Variants in XRCC4 observed in about 807,000 individuals in gnomAD.
The protein encoded by XRCC4 is DNA repair protein XRCC4.
A neutral mutation model predicts 39.1 loss-of-function variants in XRCC4; 28 were observed. The ratio of observed to expected loss-of-function variants is 0.72; its 90% CI spans 0.53 to 0.98. The LOEUF is 0.98. XRCC4 is among the 50% of genes least tolerant of loss of function. The pLI is 0.00. For missense variants in XRCC4, 350 were observed against 376.4 expected (o/e 0.93, Z 0.58); for synonymous variants, 123 against 126.4 (o/e 0.97, Z 0.18).
chr5:83,258,604 C>G lies in XRCC4; in HGVS notation c.820C>G (p.Gln274Glu). The change falls in exon 7 of 8, where the codon CAG becomes GAG. Residue 274 changes from glutamine (Q) to glutamate (E), a missense_variant. Coordinates refer to ENST00000396027, the MANE Select transcript of XRCC4 (RefSeq NM_003401.5). Reference sequence around the variant, plus strand: ...TATTGCACCAAGTAGAAAAAGGAGACAGCGAATGCAAAGAAATCTTGGGAC... The same window carrying G: ...TATTGCACCAAGTAGAAAAAGGAGAGAGCGAATGCAAAGAAATCTTGGGAC... ...TDIAPSRKRR[Q>E]RMQRNLGTEP... is the part of the protein sequence containing the mutation. 1.2e-6 allele frequency: 2 copies of G among 1,611,244 alleles called. No individual in the cohort carries two copies. Among genetic ancestry groups the G allele is most frequent in the Non-Finnish European group, 1.7e-6 (2 of 1,179,074 alleles).
At chr5:83,254,211 A>G (rs1408143294) in intron 6 of XRCC4, among the ~76,000 whole-genome samples, 1 of 151,994 alleles carries the variant, frequency 6.6e-6, no homozygotes, top group East Asian at 1.9e-4. Context: ...AATCTTAAGA[A>G]AAAAACCTCC....
intron 3 of XRCC4, among the ~76,000 whole-genome samples, chr5:83,191,008 T>C (rs1449122234): frequency 6.6e-6 from 1 of 152,148 alleles, no homozygotes; most frequent in East Asian, 1.9e-4. Context: ...ATGAGGATTA[T>C]TACAATAAAT....
At chr5:83,211,651 A>G (rs987934141) in intron 6 of XRCC4, among the ~76,000 whole-genome samples, 1 of 152,324 alleles carries the variant, frequency 6.6e-6, no homozygotes, top group East Asian at 1.9e-4. Flanking sequence ...AAAGAAACCT[A>G]TTAGCTTGAG....
chr5:83,309,079 AC>A (rs963266312), intron 7 of XRCC4, among the ~76,000 whole-genome samples: 2 of 150,690 alleles, frequency 1.3e-5, no homozygotes, highest in Non-Finnish European at 3.0e-5. Flanking sequence ...GGAGATCGAG[AC>A]CATCCCAGCT....
intron 6 of XRCC4, among the ~76,000 whole-genome samples, chr5:83,248,057 C>A (rs538843856): frequency 2.0e-5 from 3 of 152,104 alleles, no homozygotes; most frequent in African/African-American, 7.2e-5. Flanking sequence ...TTCATTGAGA[C>A]AAGGGTTGGT....
intron 7 of XRCC4, among the ~76,000 whole-genome samples, chr5:83,284,052 C>CAAAAAAAA (rs766161565): frequency 7.5e-4 from 12 of 16,104 alleles, no homozygotes; most frequent in East Asian, 3.7e-3. Context: ...CAACCCAGAG[C>CAAAAAAAA]AAAAAAAAAA....
intron 7 of XRCC4, among the ~76,000 whole-genome samples, chr5:83,325,653 C>T (rs111713729): frequency 2.8e-4 from 42 of 152,052 alleles, no homozygotes; most frequent in Non-Finnish European, 3.8e-4. Flanking sequence ...TTCTTTTTTG[C>T]GACTGCATAG....
intron 7 of XRCC4, among the ~76,000 whole-genome samples, chr5:83,275,499 T>G (rs1325155732): frequency 6.6e-6 from 1 of 151,688 alleles, no homozygotes; most frequent in East Asian, 1.9e-4. Flanking sequence ...GTTTCACCGT[T>G]TTAGCCGGGA....
intron 1 of XRCC4, among the ~76,000 whole-genome samples, chr5:83,103,665 A>G (rs1420308152): frequency 1.3e-5 from 2 of 152,200 alleles, no homozygotes; most frequent in East Asian, 3.8e-4. Flanking sequence ...GCCTACCACT[A>G]GTGGAATGGA....
chr5:83,101,657 A>G (rs577207955), intron 1 of XRCC4, among the ~76,000 whole-genome samples: 1 of 152,234 alleles, frequency 6.6e-6, no homozygotes, highest in East Asian at 1.9e-4. Flanking sequence ...ATTGATGTCT[A>G]CTTGAGGGTG....
At chr5:83,306,582 A>C (rs536659269) in intron 7 of XRCC4, among the ~76,000 whole-genome samples, 1 of 152,220 alleles carries the variant, frequency 6.6e-6, no homozygotes, top group African/African-American at 2.4e-5. Flanking sequence ...GCAAATGGAA[A>C]CCACAGAAAT....
chr5:83,337,215 C>G (rs1353840732), intron 7 of XRCC4, among the ~76,000 whole-genome samples: 1 of 152,094 alleles, frequency 6.6e-6, no homozygotes, highest in Non-Finnish European at 1.5e-5. Flanking sequence ...TTATAAGGAA[C>G]TATTCTTAAT....
intron 3 of XRCC4, among the ~76,000 whole-genome samples, chr5:83,123,511 T>A (rs1205277792): frequency 6.6e-6 from 1 of 151,124 alleles, no homozygotes; most frequent in Non-Finnish European, 1.5e-5. Context: ...ATTGGGATGT[T>A]TAGGCCATTT....
rs1749976208 is a variant in XRCC4 at position 83,176,707 on chromosome 5, C to G, written c.316-19063C>G. Among the ~76,000 whole-genome samples the G allele has an allele frequency of 1.3e-5, 2 of 151,886 alleles. 1 individual carries two copies. The highest frequency in any genetic ancestry group is 3.9e-4 in the East Asian group (2 of 5,176). ...GCACGATCTTGGCTCACTGCAGCCT[C>G]CACTTTCAGCCTCAAGTGATACTCC... On this transcript the variant is annotated intron_variant, in intron 3 of 7. Coordinates refer to ENST00000396027, the MANE Select transcript of XRCC4 (RefSeq NM_003401.5).
At chr5:83,082,400 G>C (rs1340134458) in intron 1 of XRCC4, among the ~76,000 whole-genome samples, 1 of 152,094 alleles carries the variant, frequency 6.6e-6, no homozygotes, top group Non-Finnish European at 1.5e-5. Context: ...TTGGTTTCCT[G>C]GTTTTGATAA....
intron 3 of XRCC4, among the ~76,000 whole-genome samples, chr5:83,141,843 C>CA (rs11284035): frequency 2.3e-3 from 311 of 137,674 alleles, no homozygotes; most frequent in African/African-American, 4.3e-3. Flanking sequence ...GAATCTTGTA[C>CA]AAAAAAAAAA....
At chr5:83,258,488 C>T (rs1753631779) in intron 6 of XRCC4, 42 bp from the exon 7 acceptor site, 2 of 1,590,762 alleles carry the variant, frequency 1.3e-6, no homozygotes, top group East Asian at 4.5e-5. Flanking sequence ...AAATGATGTG[C>T]ATAATTTTGT....
At chr5:83,246,871 G>A (rs183600230) in intron 6 of XRCC4, among the ~76,000 whole-genome samples, 5 of 152,258 alleles carry the variant, frequency 3.3e-5, no homozygotes, top group East Asian at 3.9e-4. Context: ...TTTATGAGGC[G>A]TACTATGATC....
chr5:83,362,316 A>AAAAAAAAAAAAAAAAAC, the XRCC4 span, among the ~76,000 whole-genome samples: 48 of 146,040 alleles, frequency 3.3e-4, no homozygotes, highest in African/African-American at 1.3e-3. Flanking sequence ...AAAAAAAAAA[A>AAAAAAAAAAAAAAAAAC]AACTATCTCA....
Sources: gnomAD v4.1 joint callset for allele counts (sites outside exome capture counted in the v4.1 genomes callset) on GRCh38, gnomAD v4.1.1 for gene constraint, MANE v1.5 for transcripts, NCBI Gene and HGNC (gene_info 2026-07-23, HGNC 2026-07-21) for gene names.